Variants in PHF12 observed in about 807,000 individuals in gnomAD.
PHF12 encodes PHD finger protein 12.
PHF12 carries 6 observed loss-of-function variants against 99.8 expected under a neutral mutation model. That is an observed-to-expected ratio of 0.06 (90% CI 0.03 to 0.12). The LOEUF is 0.12. Ranked by LOEUF, PHF12 falls within the 10% of genes least tolerant of loss-of-function variation. PHF12 has a pLI of 1.00. For missense variants in PHF12, 954 were observed against 1,300.1 expected (o/e 0.73, Z 4.09); for synonymous variants, 480 against 514.9 (o/e 0.93, Z 0.92).
Position 28,910,266 on chromosome 17 carries a change from G to A in PHF12, c.2319C>T (p.Val773=), listed in dbSNP as rs759604182. Reference sequence around the variant, plus strand: ...CTCCAGAAGCCAGCTGATGTGTCCCGACACTGCCCGGTGAAGGTTGGACCC... The same window carrying A: ...CTCCAGAAGCCAGCTGATGTGTCCCAACACTGCCCGGTGAAGGTTGGACCC... ...PSRVQPSPGS[V]GTHQLASGGH... is the part of the protein sequence containing the mutation. The change falls in exon 11 of 15, where the codon GTC becomes GTT. Residue 773 remains valine (V), a synonymous_variant. Transcript: ENST00000332830. The A allele has an allele frequency of 8.1e-6, 13 of 1,614,090 alleles. No homozygotes were observed. Among genetic ancestry groups the A allele is most frequent in the East Asian group, 2.2e-5 (1 of 44,904 alleles).
intron 3 of PHF12, 101 bp from the exon 4 acceptor site, chr17:28,924,403 C>T: frequency 6.6e-7 from 1 of 1,516,068 alleles, no homozygotes; most frequent in Non-Finnish European, 9.1e-7. Flanking sequence ...CTGTAAAAGG[C>T]CTTCACATAT....
At position 28,949,528 on chromosome 17, in the gene PHF12, G is replaced by A. The variant is rs2040771860; in HGVS notation, c.248+537C>T. The stretch of plus-strand genomic sequence containing the variant: ...GAATAAAAATATAATTTAAAGGCAG[G>A]TCGCCATATTGTAAACAGAGAGGCA... On this transcript the variant is annotated intron_variant, in intron 2 of 14. Transcript: ENST00000332830. The surrounding 1 kb of genome is among the most constrained non-coding windows in gnomAD (Gnocchi z 4.6). 2 of 152,658 alleles carry A rather than the reference G, an allele frequency of 1.3e-5. No homozygotes were observed. Among genetic ancestry groups the A allele is most frequent in the Non-Finnish European group, 2.9e-5 (2 of 68,342 alleles). The allele number at this position is 152,658 out of a possible 1,614,324, so 9.5% of individuals were successfully genotyped here.
chr17:28,912,655 C>A lies in PHF12; in HGVS notation c.1916G>T (p.Ser639Ile). The A allele has an allele frequency of 6.2e-7, 1 of 1,614,184 alleles. No individual in the cohort carries two copies. Among genetic ancestry groups the A allele is most frequent in the Non-Finnish European group, 8.5e-7 (1 of 1,180,042 alleles). The part of the protein sequence containing the change: ...PSSCASIENT[S>I]TLQRKTVQSQ... ...TTGGACAGTCTTTCTTTGCAAAGTGCTGGTGTTCTCGATGCTGGCACAAGA... is the reference window on the plus strand; with the variant it reads ...TTGGACAGTCTTTCTTTGCAAAGTGATGGTGTTCTCGATGCTGGCACAAGA... The change falls in exon 9 of 15, where the codon AGC becomes ATC. Residue 639 changes from serine (S) to isoleucine (I), a missense_variant. Around this residue, in one of 8 missense-constraint regions of PHF12, gnomAD observed 392 missense variants for 423.1 expected, o/e 0.93. Coordinates refer to ENST00000332830, the MANE Select transcript of PHF12 (RefSeq NM_001033561.2).
chr17:28,911,631 A>G (rs2039962424), intron 9 of PHF12, among the ~76,000 whole-genome samples: 1 of 152,208 alleles, frequency 6.6e-6, no homozygotes, highest in African/African-American at 2.4e-5. Context: ...GTTTTAAGCG[A>G]TAAACAGAGA....
intron 9 of PHF12, chr17:28,911,451 A>C (rs1598118826): frequency 3.3e-5 from 19 of 578,740 alleles, no homozygotes; most frequent in Middle Eastern, 4.7e-4. Context: ...GAGTCTCCAG[A>C]GCACTGAGAA....
At position 28,949,256 on chromosome 17, in the gene PHF12, T is replaced by C. The variant is rs2040766773; in HGVS notation, c.248+809A>G. On this transcript the variant is annotated intron_variant, in intron 2 of 14. Coordinates refer to ENST00000332830, the MANE Select transcript of PHF12 (RefSeq NM_001033561.2). The surrounding 1 kb of genome is among the most constrained non-coding windows in gnomAD (Gnocchi z 4.6). ...ATGAAATCGGCGCCCAAGGGCAATT[T>C]TAATTGTCTAACCCGGCCCGATTTC... is the stretch of plus-strand genomic sequence containing the variant. Among the ~76,000 whole-genome samples the C allele has an allele frequency of 6.6e-6, 1 of 151,852 alleles. No individual in the cohort carries two copies. Among genetic ancestry groups the C allele is most frequent in the Admixed American group, 6.6e-5 (1 of 15,254 alleles).
chr17:28,911,028 C>A, intron 10 of PHF12, 84 bp downstream of exon 10: 1 of 1,576,420 alleles, frequency 6.3e-7, no homozygotes, highest in Non-Finnish European at 8.6e-7. Flanking sequence ...CCCTTCCCTC[C>A]CTTTCTGAAA....
At chr17:28,908,617 G>C in intron 12 of PHF12, 166 bp downstream of exon 12, 1 of 670,026 alleles carries the variant, frequency 1.5e-6, no homozygotes, top group African/African-American at 1.8e-5. Context: ...ACCGTGACTG[G>C]CTGATTGTCT....
chr17:28,935,567 T>C (rs1459328999), intron 2 of PHF12, among the ~76,000 whole-genome samples: 1 of 152,170 alleles, frequency 6.6e-6, no homozygotes, highest in East Asian at 1.9e-4. Flanking sequence ...CCACCACTCC[T>C]GGCCCCAGCT....
intron 2 of PHF12, among the ~76,000 whole-genome samples, chr17:28,940,812 G>A (rs1312298139): frequency 6.6e-6 from 1 of 152,174 alleles, no homozygotes; most frequent in Non-Finnish European, 1.5e-5. Context: ...ATACCAAAGT[G>A]GCTTTCTGAA....
intron 3 of PHF12, chr17:28,924,519 A>T: frequency 6.4e-6 from 4 of 620,256 alleles, no homozygotes; most frequent in Non-Finnish European, 1.1e-5. Context: ...ATCACCAAAA[A>T]GCATGGTAAG....
At position 28,950,962 on chromosome 17, in the gene PHF12, C is replaced by A; in HGVS notation, c.-2G>T. On this transcript the variant is annotated 5_prime_UTR_variant, in exon 1 of 15. The change abolishes an upstream ATG in the 5' untranslated region. Transcript: ENST00000332830. The surrounding 1 kb of genome is among the most constrained non-coding windows in gnomAD (Gnocchi z 5.7). ...CTTGGTCTCCATTTTCTCCCACATTCATCCACCTCCCGGGCTGGGTGCTCT... is the reference window on the plus strand; with the variant it reads ...CTTGGTCTCCATTTTCTCCCACATTAATCCACCTCCCGGGCTGGGTGCTCT... The A allele has an allele frequency of 1.2e-6, 2 of 1,613,984 alleles. No individual in the cohort carries two copies. The highest frequency in any genetic ancestry group is 1.7e-4 in the Middle Eastern group (1 of 6,060).
At chr17:28,919,774 AAAC>A (rs1380189036) in intron 5 of PHF12, among the ~76,000 whole-genome samples, 1 of 152,096 alleles carries the variant, frequency 6.6e-6, no homozygotes, top group East Asian at 1.9e-4. Context: ...CAAAACAAAA[AAAC>A]AACATGGATG....
At chr17:28,935,852 G>A (rs960960985) in intron 2 of PHF12, among the ~76,000 whole-genome samples, 4 of 152,120 alleles carry the variant, frequency 2.6e-5, no homozygotes, top group African/African-American at 9.7e-5. Flanking sequence ...TGCTGAGAAG[G>A]TTATCTAGAT....
chr17:28,913,372 G>T, intron 8 of PHF12, 95 bp from the exon 9 acceptor site: 5 of 1,501,666 alleles, frequency 3.3e-6, no homozygotes, highest in Non-Finnish European at 4.4e-6. Context: ...CTGACAAGCA[G>T]TTTCCGAGGT....
At position 28,906,643 on chromosome 17, in the gene PHF12, T is replaced by A. The variant is rs1251589961; in HGVS notation, c.2681-126A>T. On this transcript the variant is annotated intron_variant, in intron 14 of 14. Coordinates refer to ENST00000332830, the MANE Select transcript of PHF12 (RefSeq NM_001033561.2). The surrounding 1 kb of genome is among the most constrained non-coding windows in gnomAD (Gnocchi z 4.2). ...CTGCATGACTAGGGAGGAAGGATGC[T>A]CAGAAAGGGTTGGTGGAGTCTGAAG... 4.7e-6 allele frequency: 6 copies of A among 1,264,012 alleles called. No individual in the cohort carries two copies. In the Admixed American group the frequency reaches 7.9e-5, roughly 17 times the overall value. The allele number at this position is 1,264,012 out of a possible 1,614,324, so 78.3% of individuals were successfully genotyped here.
At chr17:28,927,148 ACTC>A in intron 2 of PHF12, 85 bp from the exon 3 acceptor site, 2 of 1,280,770 alleles carry the variant, frequency 1.6e-6, no homozygotes, top group Admixed American at 1.9e-5. Flanking sequence ...ATGTTCCTAA[ACTC>A]CTATTGTGGC....
Position 28,950,869 on chromosome 17 carries a change from AAGG to A in PHF12, c.66+23_66+25del. ...GGAGGTTCCCTCCCGGCGCTGGAGG[AAGG>A]AGATGAGGAGGGCCACTCTTACCTC... On this transcript the variant is annotated intron_variant, in intron 1 of 14. Coordinates refer to ENST00000332830, the MANE Select transcript of PHF12 (RefSeq NM_001033561.2). This position sits in a 1 kb window ranked among gnomAD's most constrained non-coding sequence, Gnocchi z 5.7. The A allele has an allele frequency of 3.1e-6, 5 of 1,611,040 alleles. No homozygotes were observed. Among genetic ancestry groups the A allele is most frequent in the Non-Finnish European group, 4.2e-6 (5 of 1,178,316 alleles).
At chr17:28,917,163 G>T in intron 7 of PHF12, 122 bp downstream of exon 7, 1 of 1,342,346 alleles carries the variant, frequency 7.4e-7, no homozygotes. Flanking sequence ...TTACTCACGA[G>T]ACACCACAAA....
Sources: gnomAD v4.1 joint callset for allele counts (sites outside exome capture counted in the v4.1 genomes callset) on GRCh38, gnomAD v4.1.1 for gene constraint, gnomAD v4.1.1 regional missense constraint, Gnocchi (gnomAD v3.1) non-coding constraint, MANE v1.5 for transcripts, NCBI Gene and HGNC (gene_info 2026-07-23, HGNC 2026-07-21) for gene names.